Variants in MYLK observed in about 807,000 individuals in gnomAD.
MYLK encodes myosin light chain kinase, smooth muscle.
Under a neutral mutation model 203.4 loss-of-function variants are expected in MYLK, and 106 were observed. The ratio of observed to expected loss-of-function variants is 0.52; its 90% CI spans 0.45 to 0.61. The LOEUF is 0.61. Ranked by LOEUF, MYLK falls within the 20% of genes least tolerant of loss-of-function variation. The pLI, the probability that MYLK is intolerant of heterozygous loss-of-function variation, is 0.00. For missense variants in MYLK, 2,072 were observed against 2,442.3 expected (o/e 0.85, Z 3.20); for synonymous variants, 867 against 959.5 (o/e 0.90, Z 1.78).
intron 2 of MYLK, among the ~76,000 whole-genome samples, chr3:123,863,560 T>C (rs2032094787): frequency 6.6e-6 from 1 of 152,006 alleles, no homozygotes; most frequent in East Asian, 1.9e-4. Flanking sequence ...TGAATAATAT[T>C]TCAAAAAGAA....
At chr3:123,857,857 A>C (rs995155831) in intron 2 of MYLK, among the ~76,000 whole-genome samples, 1 of 152,146 alleles carries the variant, frequency 6.6e-6, no homozygotes, top group Admixed American at 6.6e-5. Flanking sequence ...CTATGGCCCT[A>C]ACTAAGTTTT....
intron 13 of MYLK, among the ~76,000 whole-genome samples, chr3:123,718,154 G>A (rs2061967532): frequency 6.6e-6 from 1 of 152,092 alleles, no homozygotes; most frequent in Non-Finnish European, 1.5e-5. Context: ...GAGACACTGT[G>A]CCTAGCCCTG....
At chr3:123,843,265 A>G (rs2066636187) in intron 2 of MYLK, among the ~76,000 whole-genome samples, 1 of 152,206 alleles carries the variant, frequency 6.6e-6, no homozygotes, top group Non-Finnish European at 1.5e-5. Context: ...AGGAGAAATA[A>G]TCATATATTT....
chr3:123,692,731 C>T lies in MYLK; in HGVS notation c.3565+4G>A. 6.2e-7 allele frequency: 1 copy of T among 1,611,286 alleles called. No individual in the cohort carries two copies. Among genetic ancestry groups the T allele is most frequent in the Non-Finnish European group, 8.5e-7 (1 of 1,177,572 alleles). The stretch of plus-strand genomic sequence containing the variant: ...GGTGGCGGCGATGGGTGGGCACGAC[C>T]TACCATCCACGGTGACTTGGCAGGA... On this transcript the variant is annotated splice_donor_region_variant and intron_variant, in intron 19 of 33. Transcript: ENST00000360304.
chr3:123,691,789 G>A (rs1023716508), intron 19 of MYLK: 2 of 152,204 alleles, frequency 1.3e-5, no homozygotes, highest in Non-Finnish European at 2.9e-5. Context: ...GACATTTCAA[G>A]GGCAAGAAAC....
In MYLK at chr3:123,707,948, G is replaced by T. The variant is rs1356348708; in HGVS notation, c.2196C>A (p.Ala732=). The part of the protein sequence containing the change: ...WFISKPRSVT[A]SLGQSVLISC... ...AGATGAGGACACTCTGGCCCAGGGA[G>T]GCTGTCACTGAGCGAGGCTTACTGA... The change falls in exon 16 of 34, where the codon GCC becomes GCA. Residue 732 remains alanine (A), a synonymous_variant. Coordinates refer to ENST00000360304, the MANE Select transcript of MYLK (RefSeq NM_053025.4). The T allele has an allele frequency of 6.2e-7, 1 of 1,614,074 alleles. No individual in the cohort carries two copies. The highest frequency in any genetic ancestry group is 1.3e-5 in the African/African-American group (1 of 74,926).
At chr3:123,874,663 A>G (rs2033032534) in intron 2 of MYLK, among the ~76,000 whole-genome samples, 1 of 152,214 alleles carries the variant, frequency 6.6e-6, no homozygotes, top group Non-Finnish European at 1.5e-5. Context: ...GACTTCTGTC[A>G]TGCAGTAACA....
intron 23 of MYLK, among the ~76,000 whole-genome samples, chr3:123,663,429 G>A (rs1407394857): frequency 2.0e-5 from 3 of 152,164 alleles, no homozygotes; most frequent in African/African-American, 4.8e-5. Context: ...GCAGCTGGAG[G>A]GTGCTGGGGG....
intron 20 of MYLK, among the ~76,000 whole-genome samples, chr3:123,673,206 C>A (rs1341131030): frequency 4.7e-5 from 7 of 147,690 alleles, no homozygotes; most frequent in African/African-American, 1.0e-4. Flanking sequence ...CTGTGTCATC[C>A]AAGATGAGTA....
At chr3:123,818,432 GT>G (rs1560256780) in intron 3 of MYLK, among the ~76,000 whole-genome samples, 1 of 152,202 alleles carries the variant, frequency 6.6e-6, no homozygotes, top group Non-Finnish European at 1.5e-5. Context: ...CAGGGAACCT[GT>G]AATCCCAGCA....
chr3:123,685,302 T>A (rs1273595823), intron 19 of MYLK, among the ~76,000 whole-genome samples: 1 of 152,142 alleles, frequency 6.6e-6, no homozygotes, highest in Non-Finnish European at 1.5e-5. Flanking sequence ...CAGGAAATGA[T>A]CATTTATCAG....
At chr3:123,739,669 T>A (rs1022959072) in intron 6 of MYLK, among the ~76,000 whole-genome samples, 4 of 152,222 alleles carry the variant, frequency 2.6e-5, no homozygotes, top group Non-Finnish European at 5.9e-5. Context: ...CTAGGCTTGC[T>A]TATTTCAATC....
At chr3:123,855,815 G>A (rs963722920) in intron 2 of MYLK, among the ~76,000 whole-genome samples, 4 of 151,978 alleles carry the variant, frequency 2.6e-5, no homozygotes, top group East Asian at 1.9e-4. Flanking sequence ...AATAGACCCC[G>A]ATCCTGCTTT....
At chr3:123,656,326 A>G (rs114727093) in intron 24 of MYLK, among the ~76,000 whole-genome samples, 1,994 of 152,200 alleles carry the variant, frequency 0.013, 14 homozygotes, top group Middle Eastern at 0.037. Flanking sequence ...TTCTCTGAAA[A>G]CCAGCTCTAA....
At position 123,870,357 on chromosome 3, in the gene MYLK, C is replaced by T. The variant is rs1577157439; in HGVS notation, c.-127+6202G>A. 2.0e-5 allele frequency among the ~76,000 whole-genome samples: 3 copies of T among 152,296 alleles called. No homozygotes were observed. In the East Asian group the frequency reaches 5.8e-4, roughly 29 times the overall value. ...CGTTTCTTCTAGGCTCCTGGGGGGA[C>T]CAAAAAGGAAGCTGCAGCAGAGTAC... On this transcript the variant is annotated intron_variant, in intron 2 of 33. Coordinates refer to ENST00000360304, the MANE Select transcript of MYLK (RefSeq NM_053025.4).
intron 1 of MYLK, among the ~76,000 whole-genome samples, chr3:123,882,579 G>T (rs554168243): frequency 6.6e-6 from 1 of 152,184 alleles, no homozygotes; most frequent in Non-Finnish European, 1.5e-5. Flanking sequence ...ATGCTTAGCT[G>T]CAAATGAGGT....
rs551194381 is a variant in MYLK, at chr3:123,820,648, T to C, written c.-4+10900A>G. ...CTTCCTTCCTTCCTTCCTTCCCTCC[T>C]TCCTTCCTTCCTTCCCTCCTTCCTT... is the stretch of plus-strand genomic sequence containing the variant. On this transcript the variant is annotated intron_variant, in intron 3 of 33. Coordinates refer to ENST00000360304, the MANE Select transcript of MYLK (RefSeq NM_053025.4). Among the ~76,000 whole-genome samples the C allele has an allele frequency of 3.4e-3, 446 of 129,440 alleles. 6 individuals carry two copies. Among genetic ancestry groups the C allele is most frequent in the African/African-American group, 0.011 (381 of 35,422 alleles). 84.9% of individuals were successfully genotyped at this position (129,440 alleles called of 152,430 possible). A position where few individuals can be genotyped will look rare whatever the true frequency, so the allele number is the denominator to read the frequency against.
intron 20 of MYLK, among the ~76,000 whole-genome samples, chr3:123,672,032 C>T (rs1485710582): frequency 6.6e-6 from 1 of 151,980 alleles, no homozygotes; most frequent in Non-Finnish European, 1.5e-5. Context: ...AACTGTGTCT[C>T]CCCAAATTCA....
rs192830801 is a variant in MYLK at position 123,735,461 on chromosome 3, T to C, written c.755-45A>G. 52 of 1,612,758 alleles carry C rather than the reference T, an allele frequency of 3.2e-5. No homozygotes were observed. The East Asian group carries it at 1.0e-3, about 32-fold the overall frequency. ...TGGAAAGACTGTTAGTAGAATGCTG[T>C]ATACACCAAAATTTCCCTCCCCAGG... On this transcript the variant is annotated intron_variant, in intron 8 of 33. Coordinates refer to ENST00000360304, the MANE Select transcript of MYLK (RefSeq NM_053025.4).
Sources: gnomAD v4.1 joint callset for allele counts (sites outside exome capture counted in the v4.1 genomes callset) on GRCh38, gnomAD v4.1.1 for gene constraint, MANE v1.5 for transcripts, NCBI Gene and HGNC (gene_info 2026-07-23, HGNC 2026-07-21) for gene names.